ANTXR1: variants seen among roughly 807,000 people sequenced by gnomAD.
ANTXR1 encodes the protein ANTXR cell adhesion molecule 1.
A neutral mutation model predicts 78.1 loss-of-function variants in ANTXR1; 19 were observed. That is an observed-to-expected ratio of 0.24 (90% CI 0.17 to 0.36). ANTXR1 has a LOEUF of 0.36. ANTXR1 is among the 10% of genes least tolerant of loss of function. The probability of loss-of-function intolerance (pLI) is 1.00; values close to 1 mark genes in which losing one functional copy is unlikely to be tolerated. For missense variants in ANTXR1, 518 were observed against 718.6 expected (o/e 0.72, Z 3.19); for synonymous variants, 273 against 260.5 (o/e 1.05, Z -0.46).
intron 13 of ANTXR1, among the ~76,000 whole-genome samples, chr2:69,161,092 C>T (rs1223775511): frequency 1.3e-5 from 2 of 152,204 alleles, no homozygotes; most frequent in African/African-American, 4.8e-5. Context: ...TCGGCTTTCC[C>T]GTAACCCAGG....
chr2:69,080,890 AAAGGCAGAAG>A, intron 8 of ANTXR1, among the ~76,000 whole-genome samples: 1 of 152,290 alleles, frequency 6.6e-6, no homozygotes, highest in Admixed American at 6.5e-5. Flanking sequence ...TAAAGTGAAG[AAAGGCAGAAG>A]ATGACATGAA....
At chr2:69,190,086 G>T (rs1027467378) in intron 16 of ANTXR1, among the ~76,000 whole-genome samples, 1 of 152,154 alleles carries the variant, frequency 6.6e-6, no homozygotes, top group African/African-American at 2.4e-5. Flanking sequence ...ACCATGTCAG[G>T]TGTAGGCAGA....
intron 14 of ANTXR1, among the ~76,000 whole-genome samples, chr2:69,170,742 A>C: frequency 6.6e-6 from 1 of 152,122 alleles, no homozygotes; most frequent in East Asian, 1.9e-4. Context: ...TTTTTCTTTC[A>C]TTTAAAAACA....
chr2:69,129,954 C>T (rs1490816373), intron 12 of ANTXR1, among the ~76,000 whole-genome samples: 2 of 152,124 alleles, frequency 1.3e-5, no homozygotes, highest in African/African-American at 4.8e-5. Flanking sequence ...TAAAGAGACA[C>T]CAACCCGAAC....
At chr2:69,072,415 G>A (rs1402321784) in intron 5 of ANTXR1, among the ~76,000 whole-genome samples, 6 of 152,078 alleles carry the variant, frequency 3.9e-5, no homozygotes, top group Admixed American at 1.3e-4. Flanking sequence ...TCCATTTCTT[G>A]TTTCATCCTA....
chr2:69,192,485 C>G (rs1420211060), intron 16 of ANTXR1, among the ~76,000 whole-genome samples: 1 of 152,134 alleles, frequency 6.6e-6, no homozygotes, highest in Non-Finnish European at 1.5e-5. Flanking sequence ...GGATTTGACC[C>G]TCCTGCCAAA....
intron 9 of ANTXR1, among the ~76,000 whole-genome samples, chr2:69,096,327 AGG>A (rs1671417238): frequency 1.9e-4 from 2 of 10,262 alleles, no homozygotes; most frequent in South Asian, 3.7e-3. Flanking sequence ...GAAGGGAGGA[AGG>A]GAGGAAGGGA....
At chr2:69,214,601 A>G (rs1389277096) in intron 17 of ANTXR1, among the ~76,000 whole-genome samples, 5 of 152,190 alleles carry the variant, frequency 3.3e-5, no homozygotes, top group Non-Finnish European at 7.4e-5. Flanking sequence ...AGGCAGGATG[A>G]GGTTGTCTCT....
intron 1 of ANTXR1, among the ~76,000 whole-genome samples, chr2:69,015,847 A>G (rs978114930): frequency 6.6e-6 from 1 of 152,216 alleles, no homozygotes; most frequent in African/African-American, 2.4e-5. Context: ...ATTGATTTTC[A>G]TATATAAAAA....
chr2:69,027,777 G>A (rs1431595790), intron 1 of ANTXR1, among the ~76,000 whole-genome samples: 15 of 149,874 alleles, frequency 1.0e-4, no homozygotes, highest in African/African-American at 3.7e-4. Flanking sequence ...TTCCTGAGGT[G>A]GAAGAATAAT....
intron 3 of ANTXR1, among the ~76,000 whole-genome samples, chr2:69,057,333 G>A (rs908728294): frequency 4.6e-5 from 7 of 152,182 alleles, no homozygotes; most frequent in African/African-American, 1.7e-4. Flanking sequence ...TTTACAAATT[G>A]AAGGTTCATG....
At chr2:69,113,222 C>T (rs1298914144) in intron 10 of ANTXR1, among the ~76,000 whole-genome samples, 1 of 152,160 alleles carries the variant, frequency 6.6e-6, no homozygotes, top group African/African-American at 2.4e-5. Flanking sequence ...GGTAAGTTGG[C>T]ATCCCCCTCT....
intron 17 of ANTXR1, among the ~76,000 whole-genome samples, chr2:69,221,659 G>C (rs1446059831): frequency 6.8e-6 from 1 of 146,014 alleles, no homozygotes; most frequent in Non-Finnish European, 1.5e-5. Context: ...ATTAAATTTT[G>C]CCTAAACTTA....
At chr2:69,244,612 C>T (rs1675970196) in intron 17 of ANTXR1, among the ~76,000 whole-genome samples, 1 of 152,220 alleles carries the variant, frequency 6.6e-6, no homozygotes, top group Non-Finnish European at 1.5e-5. Flanking sequence ...TCCATGACAA[C>T]TCCAATCACA....
chr2:69,051,757 T>A (rs927252683), intron 3 of ANTXR1, among the ~76,000 whole-genome samples: 19 of 152,098 alleles, frequency 1.2e-4, no homozygotes, highest in African/African-American at 4.6e-4. Flanking sequence ...TTATTTTAAT[T>A]TCCAACACAT....
chr2:69,050,635 T>C (rs1008272775), intron 3 of ANTXR1, among the ~76,000 whole-genome samples: 9 of 152,192 alleles, frequency 5.9e-5, no homozygotes, highest in African/African-American at 1.9e-4. Flanking sequence ...TAAATTATTA[T>C]TGAAGAAGCT....
At chr2:69,118,262 A>AAAAAAAAC (rs1672218008) in intron 10 of ANTXR1, among the ~76,000 whole-genome samples, 1 of 145,946 alleles carries the variant, frequency 6.9e-6, no homozygotes, top group African/African-American at 2.6e-5. Flanking sequence ...AAAAAAAAAA[A>AAAAAAAAC]TTTAATTAGC....
intron 2 of ANTXR1, among the ~76,000 whole-genome samples, chr2:69,041,136 G>A (rs1294361112): frequency 2.0e-5 from 3 of 152,170 alleles, no homozygotes; most frequent in Non-Finnish European, 4.4e-5. Flanking sequence ...GATGCTGAGA[G>A]GACAGAAGGG....
In ANTXR1 at chr2:69,246,674, C is replaced by A. The variant is rs1249601863; in HGVS notation, c.*1189C>A. ...AAGGGGAAATACATCAGATCTGCAA[C>A]ACAGAAATGCTCTGCCTGAAATTTC... On this transcript the variant is annotated 3_prime_UTR_variant, in exon 18 of 18. Coordinates refer to ENST00000303714, the MANE Select transcript of ANTXR1 (RefSeq NM_032208.3). 6.6e-6 allele frequency: 1 copy of A among 152,194 alleles called. No individual in the cohort carries two copies. Among genetic ancestry groups the A allele is most frequent in the Non-Finnish European group, 1.5e-5 (1 of 68,062 alleles). The allele number at this position is 152,194 out of a possible 1,614,324, so 9.4% of individuals were successfully genotyped here. A position where few individuals can be genotyped will look rare whatever the true frequency, so the allele number is the denominator to read the frequency against.
Sources: gnomAD v4.1 joint callset for allele counts (sites outside exome capture counted in the v4.1 genomes callset) on GRCh38, gnomAD v4.1.1 for gene constraint, MANE v1.5 for transcripts, NCBI Gene and HGNC (gene_info 2026-07-23, HGNC 2026-07-21) for gene names.